USH2A: variants seen among roughly 807,000 people sequenced by gnomAD.
The protein encoded by USH2A is usherin, also known as Usher syndrome 2A (autosomal recessive, mild).
In USH2A, 443 loss-of-function variants were observed where a neutral mutation model predicts 538.9. The observed-to-expected ratio is 0.82, with a 90% CI of 0.76 to 0.89. The LOEUF (loss-of-function observed/expected upper bound fraction) is 0.89, where lower values mean the gene tolerates loss of function less well. Ranked by LOEUF, USH2A falls within the 40% of genes least tolerant of loss-of-function variation. USH2A has a pLI of 0.00. For missense variants in USH2A, 6,633 were observed against 6,324.8 expected (o/e 1.05, Z -1.65); for synonymous variants, 2,413 against 2,273.5 (o/e 1.06, Z -1.75).
chr1:216,350,766 A>G (rs11584862), intron 4 of USH2A, among the ~76,000 whole-genome samples: 1 of 152,104 alleles, frequency 6.6e-6, no homozygotes, highest in Non-Finnish European at 1.5e-5. Flanking sequence ...TGAGGGTGAA[A>G]GCTGCCAGTG....
chr1:215,756,003 C>G (rs1168140248), intron 58 of USH2A, among the ~76,000 whole-genome samples: 1 of 151,880 alleles, frequency 6.6e-6, no homozygotes, highest in Non-Finnish European at 1.5e-5. Flanking sequence ...GCTTTGAGAC[C>G]CAGCAAATGT....
intron 38 of USH2A, among the ~76,000 whole-genome samples, chr1:215,904,570 C>T (rs1321384906): frequency 1.3e-5 from 2 of 152,032 alleles, no homozygotes; most frequent in Non-Finnish European, 2.9e-5. Flanking sequence ...TGGGAGCCAG[C>T]CATAATTCCA....
At chr1:215,843,265 T>C (rs1008852001) in intron 46 of USH2A, among the ~76,000 whole-genome samples, 1 of 152,186 alleles carries the variant, frequency 6.6e-6, no homozygotes, top group African/African-American at 2.4e-5. Flanking sequence ...GAAGCTCTTA[T>C]GAATTTTAGA....
At chr1:215,979,106 G>A (rs898617075) in intron 35 of USH2A, among the ~76,000 whole-genome samples, 6 of 152,132 alleles carry the variant, frequency 3.9e-5, no homozygotes, top group Non-Finnish European at 8.8e-5. Context: ...GGTGGAGGAG[G>A]AGCAAAGGGA....
At chr1:215,722,310 G>A (rs1659687320) in intron 61 of USH2A, among the ~76,000 whole-genome samples, 1 of 152,072 alleles carries the variant, frequency 6.6e-6, no homozygotes, top group Admixed American at 6.6e-5. Flanking sequence ...ATCTCCCAGA[G>A]TATTTCTGTT....
intron 38 of USH2A, among the ~76,000 whole-genome samples, chr1:215,910,616 A>G (rs1299911523): frequency 6.6e-6 from 1 of 151,940 alleles, no homozygotes; most frequent in Non-Finnish European, 1.5e-5. Flanking sequence ...CTTACCCCCA[A>G]TGTCTATCAC....
intron 21 of USH2A, chr1:216,174,548 A>G: frequency 2.0e-6 from 2 of 983,156 alleles, no homozygotes; most frequent in Non-Finnish European, 2.4e-6. Context: ...TAGTGCTTTC[A>G]CATTGATTTT....
At chr1:216,266,490 T>C (rs1201379350) in intron 11 of USH2A, among the ~76,000 whole-genome samples, 1 of 152,128 alleles carries the variant, frequency 6.6e-6, no homozygotes, top group African/African-American at 2.4e-5. Context: ...AAAGAAAGAA[T>C]ACAAACATTT....
At chr1:215,803,779 ACTAC>A (rs1232579124) in intron 49 of USH2A, among the ~76,000 whole-genome samples, 1 of 152,176 alleles carries the variant, frequency 6.6e-6, no homozygotes, top group East Asian at 1.9e-4. Flanking sequence ...ATTGGAAAAA[ACTAC>A]TTTAAAATTC....
At chr1:216,208,335 C>T (rs1453418401) in intron 15 of USH2A, among the ~76,000 whole-genome samples, 2 of 152,092 alleles carry the variant, frequency 1.3e-5, no homozygotes, top group East Asian at 3.9e-4. Flanking sequence ...AAACATTCTC[C>T]TTAAATAAGA....
intron 63 of USH2A, among the ~76,000 whole-genome samples, chr1:215,673,212 G>A (rs6662102): frequency 0.24 from 36,453 of 152,004 alleles, 4,546 homozygotes; most frequent in East Asian, 0.27. Flanking sequence ...ATAAAACCAC[G>A]AATGTTTCAT....
intron 38 of USH2A, chr1:215,901,156 C>G (rs777455166): frequency 9.7e-6 from 5 of 513,930 alleles, no homozygotes; most frequent in African/African-American, 1.9e-5. Flanking sequence ...ATATGCAGCA[C>G]ATTCCCACCT....
At chr1:216,044,107 T>C (rs897414337) in intron 32 of USH2A, among the ~76,000 whole-genome samples, 1 of 152,114 alleles carries the variant, frequency 6.6e-6, no homozygotes, top group African/African-American at 2.4e-5. Flanking sequence ...GTGTCCTTAA[T>C]GATCATTATG....
chr1:216,050,898 C>CCCGG (rs1418353297), intron 30 of USH2A, among the ~76,000 whole-genome samples: 5 of 152,050 alleles, frequency 3.3e-5, no homozygotes, highest in Admixed American at 2.6e-4. Context: ...AGCCACTGTG[C>CCCGG]CCGGCCGGCC....
At chr1:216,210,960 A>G (rs2035228207) in intron 15 of USH2A, among the ~76,000 whole-genome samples, 1 of 143,958 alleles carries the variant, frequency 6.9e-6, no homozygotes, top group Non-Finnish European at 1.5e-5. Flanking sequence ...GCCTGGCGAC[A>G]GAGCGAGACT....
At position 215,912,471 on chromosome 1, in the gene USH2A, A is replaced by ACG. The variant is rs1195732014; in HGVS notation, c.7301-11567_7301-11566insCG. 4.4e-3 allele frequency among the ~76,000 whole-genome samples: 69 copies of ACG among 15,634 alleles called. 1 individual carries two copies. In the East Asian group the frequency reaches 0.062, roughly 14 times the overall value. The allele number at this position is 15,634 out of a possible 152,430, so 10.3% of individuals were successfully genotyped here. ...GGTATGTGTATATATATATATATATATATACGTATATATATATATGTGTAT... is the reference window on the plus strand; with the variant it reads ...GGTATGTGTATATATATATATATATACGTATACGTATATATATATATGTGTAT... On this transcript the variant is annotated intron_variant, in intron 38 of 71. Transcript: ENST00000307340.
intron 37 of USH2A, among the ~76,000 whole-genome samples, chr1:215,943,216 T>C (rs2102433751): frequency 6.6e-6 from 1 of 152,200 alleles, no homozygotes; most frequent in African/African-American, 2.4e-5. Flanking sequence ...GAAAGGATTG[T>C]AACATAAAAA....
At chr1:216,062,210 G>A (rs1233320748) in intron 30 of USH2A, among the ~76,000 whole-genome samples, 3 of 152,102 alleles carry the variant, frequency 2.0e-5, no homozygotes, top group African/African-American at 4.8e-5. Context: ...AAAATCACGA[G>A]TTGCATGCCA....
chr1:215,703,694 A>G lies in USH2A; in HGVS notation c.12067-23318T>C, dbSNP rs12046505. Among the ~76,000 whole-genome samples the G allele has an allele frequency of 4.0e-3, 612 of 152,240 alleles. 5 individuals are homozygous for G. The highest frequency in any genetic ancestry group is 0.025 in the East Asian group (130 of 5,154). On this transcript the variant is annotated intron_variant, in intron 61 of 71. Coordinates refer to ENST00000307340, the MANE Select transcript of USH2A (RefSeq NM_206933.4). Reference sequence around the variant, plus strand: ...AGGTCAAGCATCCTAGGTTGACTTCAGACTGCTGTACTGGCAGCAAGAATG... The same window carrying G: ...AGGTCAAGCATCCTAGGTTGACTTCGGACTGCTGTACTGGCAGCAAGAATG...
Sources: gnomAD v4.1 joint callset for allele counts (sites outside exome capture counted in the v4.1 genomes callset) on GRCh38, gnomAD v4.1.1 for gene constraint, MANE v1.5 for transcripts, NCBI Gene and HGNC (gene_info 2026-07-23, HGNC 2026-07-21) for gene names.